Variants in ESF1 observed in about 807,000 individuals in gnomAD.
ESF1 encodes the protein ESF1 nucleolar pre-rRNA processing protein, also known as ESF1 homolog.
ESF1 carries 58 observed loss-of-function variants against 92.0 expected under a neutral mutation model. The observed-to-expected ratio is 0.63, with a 90% confidence interval of 0.51 to 0.78. The LOEUF (loss-of-function observed/expected upper bound fraction) is 0.78, where lower values mean the gene tolerates loss of function less well. Among genes scored for constraint, ESF1 ranks in the 30% least tolerant of loss-of-function variants. The pLI is 0.00. For synonymous variants in ESF1, 321 were observed against 313.7 expected (o/e 1.02, Z -0.24); for missense variants, 922 against 989.1 (o/e 0.93, Z 0.91).
chr20:13,775,028 C>A lies in ESF1; in HGVS notation c.1149+129G>T. 5.1e-6 allele frequency: 3 copies of A among 587,140 alleles called. No homozygotes were observed. The South Asian group carries it at 7.0e-5, about 14-fold the overall frequency. The allele number at this position is 587,140 out of a possible 1,614,324, so 36.4% of individuals were successfully genotyped here. A position where few individuals can be genotyped will look rare whatever the true frequency, so the allele number is the denominator to read the frequency against. On this transcript the variant is annotated intron_variant, in intron 4 of 13. Coordinates refer to ENST00000617257, the MANE Select transcript of ESF1 (RefSeq NM_001276380.2). Reference sequence around the variant, plus strand: ...TTATACCTGTTACATAAGTTTCACACTCAATTGGATTGGACAACTTCCACA... The same window carrying A: ...TTATACCTGTTACATAAGTTTCACAATCAATTGGATTGGACAACTTCCACA...
chr20:13,753,759 CT>C (rs1399030609), intron 9 of ESF1, among the ~76,000 whole-genome samples: 2 of 152,152 alleles, frequency 1.3e-5, no homozygotes, highest in Non-Finnish European at 2.9e-5. Flanking sequence ...CACAATCTTA[CT>C]TTCCAAGCAT....
chr20:13,766,740 C>A, intron 8 of ESF1, 37 bp downstream of exon 8: 2 of 1,605,602 alleles, frequency 1.2e-6, no homozygotes, highest in South Asian at 2.2e-5. Flanking sequence ...TGCCAAAGAC[C>A]TATGTCCATT....
chr20:13,724,846 G>A (rs2049890598), intron 11 of ESF1, among the ~76,000 whole-genome samples: 1 of 152,226 alleles, frequency 6.6e-6, no homozygotes, highest in East Asian at 1.9e-4. Context: ...ATGAATGGGG[G>A]CACACAGCTT....
In ESF1 at chr20:13,714,332, A is replaced by G. The variant is rs2049808111; in HGVS notation, c.*542T>C. The stretch of plus-strand genomic sequence containing the variant: ...CAGTGCTATACAAAATAATGAAAAT[A>G]TTTTACACTTTTATTTACAAGTTAA... On this transcript the variant is annotated 3_prime_UTR_variant, in exon 14 of 14. Transcript: ENST00000617257. The G allele has an allele frequency of 6.6e-6, 1 of 152,234 alleles. No individual in the cohort carries two copies. Among genetic ancestry groups the G allele is most frequent in the Non-Finnish European group, 1.5e-5 (1 of 68,048 alleles). The allele number at this position is 152,234 out of a possible 1,614,324, so 9.4% of individuals were successfully genotyped here.
intron 9 of ESF1, among the ~76,000 whole-genome samples, chr20:13,742,961 T>C (rs982762960): frequency 1.3e-5 from 2 of 152,204 alleles, no homozygotes; most frequent in African/African-American, 4.8e-5. Flanking sequence ...TGATAAAATA[T>C]GTGGTCTTGT....
Position 13,766,933 on chromosome 20 carries a change from A to G in ESF1, c.1519-9T>C. Reference sequence around the variant, plus strand: ...TCCCAAGTGATTTCCACCTTTCACCAACAAATAAGAAAAAATAACACACGA... The same window carrying G: ...TCCCAAGTGATTTCCACCTTTCACCGACAAATAAGAAAAAATAACACACGA... On this transcript the variant is annotated splice_polypyrimidine_tract_variant and intron_variant, in intron 7 of 13. Transcript: ENST00000617257. The G allele has an allele frequency of 6.2e-7, 1 of 1,605,884 alleles. No individual in the cohort carries two copies. The highest frequency in any genetic ancestry group is 8.5e-7 in the Non-Finnish European group (1 of 1,176,118).
chr20:13,773,997 AG>A (rs1347242362), intron 4 of ESF1, among the ~76,000 whole-genome samples: 1 of 152,038 alleles, frequency 6.6e-6, no homozygotes, highest in Non-Finnish European at 1.5e-5. Flanking sequence ...CAGGAGGCTG[AG>A]GCAGGAGAAT....
chr20:13,749,334 C>T (rs1162729641), intron 9 of ESF1, among the ~76,000 whole-genome samples: 6 of 143,076 alleles, frequency 4.2e-5, no homozygotes, highest in Non-Finnish European at 9.0e-5. Context: ...GGATTACAGG[C>T]GTGGGCCACC....
At chr20:13,718,887 G>GT (rs2049848613) in intron 12 of ESF1, 21 bp downstream of exon 12, 1 of 1,560,954 alleles carries the variant, frequency 6.4e-7, no homozygotes, top group Admixed American at 1.8e-5. Flanking sequence ...CACTAAGCAT[G>GT]TAACAATAAT....
At chr20:13,753,904 A>G (rs140222921) in intron 9 of ESF1, among the ~76,000 whole-genome samples, 2 of 152,314 alleles carry the variant, frequency 1.3e-5, no homozygotes, top group East Asian at 3.9e-4. Flanking sequence ...GCATTCCAAT[A>G]ATGGACCACT....
intron 6 of ESF1, 57 bp from the exon 7 acceptor site, chr20:13,770,078 T>C: frequency 1.0e-6 from 1 of 970,342 alleles, no homozygotes; most frequent in Middle Eastern, 3.1e-4. Context: ...AACCACAGTT[T>C]AGATTCTCAT....
In ESF1 at chr20:13,782,965, G is replaced by A; in HGVS notation, c.176C>T (p.Pro59Leu). 6.2e-7 allele frequency: 1 copy of A among 1,614,004 alleles called. No individual in the cohort carries two copies. Among genetic ancestry groups the A allele is most frequent in the South Asian group, 1.1e-5 (1 of 91,076 alleles). Reference protein sequence around the residue: ...LNYAVDKRGRPISHSTTEDLK... With the variant: ...LNYAVDKRGRLISHSTTEDLK... The stretch of plus-strand genomic sequence containing the variant: ...ATCCTCTGTAGTGCTATGGCTAATG[G>A]GGCGCCCTCTTTTATCCACGGCATA... Residue 59 changes from proline (P) to leucine (L), a missense_variant, in exon 2 of 14, where the codon CCC becomes CTC. Coordinates refer to ENST00000617257, the MANE Select transcript of ESF1 (RefSeq NM_001276380.2).
chr20:13,761,869 G>A (rs1156856887), intron 8 of ESF1, among the ~76,000 whole-genome samples: 1 of 152,148 alleles, frequency 6.6e-6, no homozygotes, highest in Non-Finnish European at 1.5e-5. Context: ...CAGAAACCTG[G>A]GTTTTAATGC....
rs200539493 is a variant in ESF1, at chr20:13,759,702, T to C, written c.1818A>G (p.Lys606=). The change falls in exon 9 of 14, where the codon AAA becomes AAG. Residue 606 remains lysine (K), a synonymous_variant. Coordinates refer to ENST00000617257, the MANE Select transcript of ESF1 (RefSeq NM_001276380.2). ...GTATCTAATTCTTACCTGGAACCCA[T>C]TTAATTTCCATTTCCATATCATTTT... The part of the protein sequence containing the change: ...GKENDMEMEI[K]WVPGLKESAE... 17 of 1,578,448 alleles carry C rather than the reference T, an allele frequency of 1.1e-5. No homozygotes were observed. The South Asian group carries it at 1.7e-4, about 15-fold the overall frequency.
At chr20:13,759,606 A>G in intron 9 of ESF1, 86 bp downstream of exon 9, 1 of 1,506,624 alleles carries the variant, frequency 6.6e-7, no homozygotes, top group Non-Finnish European at 8.8e-7. Flanking sequence ...GGTCCTCACC[A>G]AAACATTTCC....
At chr20:13,778,293 G>T (rs1473952052) in intron 2 of ESF1, among the ~76,000 whole-genome samples, 1 of 152,026 alleles carries the variant, frequency 6.6e-6, no homozygotes, top group Non-Finnish European at 1.5e-5. Context: ...ATTGTCACAG[G>T]TTCTATATAT....
intron 2 of ESF1, among the ~76,000 whole-genome samples, chr20:13,779,309 T>C (rs1025708170): frequency 1.3e-5 from 2 of 152,128 alleles, no homozygotes; most frequent in Admixed American, 6.5e-5. Flanking sequence ...TAGGAAAATA[T>C]GGTTAATAAA....
intron 9 of ESF1, among the ~76,000 whole-genome samples, chr20:13,741,027 T>C (rs1479526598): frequency 2.0e-5 from 3 of 152,122 alleles, no homozygotes; most frequent in Non-Finnish European, 4.4e-5. Context: ...CCCCCAGGAA[T>C]CATCCCACCA....
At chr20:13,716,726 G>C (rs2049828911) in intron 13 of ESF1, among the ~76,000 whole-genome samples, 1 of 140,736 alleles carries the variant, frequency 7.1e-6, no homozygotes, top group Non-Finnish European at 1.5e-5. Context: ...CTGCAGGCTT[G>C]ACCTCCTGGA....
Sources: gnomAD v4.1 joint callset for allele counts (sites outside exome capture counted in the v4.1 genomes callset) on GRCh38, gnomAD v4.1.1 for gene constraint, MANE v1.5 for transcripts, NCBI Gene and HGNC (gene_info 2026-07-23, HGNC 2026-07-21) for gene names.